The following OSBPL8 variants were observed in gnomAD, a reference collection of about 807,000 sequenced individuals.
OSBPL8 encodes the protein oxysterol-binding protein-related protein 8.
OSBPL8 carries 59 observed loss-of-function variants against 125.5 expected under a neutral mutation model. The observed-to-expected ratio is 0.47, with a 90% CI of 0.38 to 0.58. The LOEUF is 0.58. Among genes scored for constraint, OSBPL8 ranks in the 20% least tolerant of loss-of-function variants. The pLI, the probability that OSBPL8 is intolerant of heterozygous loss-of-function variation, is 0.00. For missense variants in OSBPL8, 758 were observed against 1,047.8 expected (o/e 0.72, Z 3.82); for synonymous variants, 330 against 338.9 (o/e 0.97, Z 0.29).
In OSBPL8 at chr12:76,360,605, G is replaced by A. The variant is rs182569224; in HGVS notation, c.2329-1794C>T. On this transcript the variant is annotated intron_variant, in intron 21 of 23. Coordinates refer to ENST00000261183, the MANE Select transcript of OSBPL8 (RefSeq NM_020841.5). ...CGACCCCAGATTTCCCTTCTGCACTGTGCTAGCAGAGGTTCTTCATGAGGG... is the reference window on the plus strand; with the variant it reads ...CGACCCCAGATTTCCCTTCTGCACTATGCTAGCAGAGGTTCTTCATGAGGG... Among the ~76,000 whole-genome samples, 22 of 152,348 alleles carry A rather than the reference G, an allele frequency of 1.4e-4. 1 individual carries two copies. Among genetic ancestry groups the A allele is most frequent in the Non-Finnish European group, 3.1e-4 (21 of 68,036 alleles).
intron 4 of OSBPL8, among the ~76,000 whole-genome samples, chr12:76,421,621 G>T (rs1869495011): frequency 1.3e-5 from 2 of 151,978 alleles, no homozygotes; most frequent in Admixed American, 1.3e-4. Context: ...CAAAATCTAA[G>T]TGTCAGAAAA....
At chr12:76,489,827 G>A (rs1413399802) in intron 1 of OSBPL8, among the ~76,000 whole-genome samples, 4 of 152,208 alleles carry the variant, frequency 2.6e-5, no homozygotes, top group Admixed American at 2.6e-4. Flanking sequence ...CAGAGATAGT[G>A]ATTCCTCTGA....
intron 1 of OSBPL8, among the ~76,000 whole-genome samples, chr12:76,497,947 A>G (rs76835854): frequency 0.039 from 6,014 of 152,330 alleles, 360 homozygotes; most frequent in African/African-American, 0.13. Flanking sequence ...CACTTTCAAC[A>G]CTTTTCAACA....
Position 76,352,520 on chromosome 12 carries a change from T to C in OSBPL8, c.*3369A>G, listed in dbSNP as rs1162483366. The stretch of plus-strand genomic sequence containing the variant: ...ACATTTTAAAGAATCTCTTTCCACT[T>C]AGTCAAATAAGATAGAAATTGAAAT... On this transcript the variant is annotated 3_prime_UTR_variant, in exon 24 of 24. Transcript: ENST00000261183. The C allele has an allele frequency of 6.6e-6, 1 of 152,574 alleles. No individual in the cohort carries two copies. The highest frequency in any genetic ancestry group is 1.5e-5 in the Non-Finnish European group (1 of 67,974). 9.5% of individuals were successfully genotyped at this position (152,574 alleles called of 1,614,324 possible).
intron 15 of OSBPL8, among the ~76,000 whole-genome samples, chr12:76,380,412 C>T (rs112005150): frequency 5.8e-4 from 87 of 149,736 alleles, no homozygotes; most frequent in African/African-American, 2.1e-3. Context: ...TTTTAAATTT[C>T]ATTCTGAGCC....
chr12:76,557,037 C>T (rs554257542), intron 1 of OSBPL8, among the ~76,000 whole-genome samples: 14 of 152,244 alleles, frequency 9.2e-5, no homozygotes, highest in Non-Finnish European at 1.9e-4. Context: ...TAAGGCAGGA[C>T]CTATGTCCTC....
At chr12:76,426,922 C>A (rs538808743) in intron 4 of OSBPL8, among the ~76,000 whole-genome samples, 15 of 152,228 alleles carry the variant, frequency 9.9e-5, no homozygotes, top group African/African-American at 3.4e-4. Flanking sequence ...ACCACTTTAT[C>A]CTTCCTTCTA....
chr12:76,496,403 T>C (rs550931940), intron 1 of OSBPL8, among the ~76,000 whole-genome samples: 1 of 151,806 alleles, frequency 6.6e-6, no homozygotes, highest in East Asian at 1.9e-4. Flanking sequence ...GTCTTGGTTA[T>C]GCTGTTGCCC....
intron 3 of OSBPL8, among the ~76,000 whole-genome samples, chr12:76,453,223 C>T (rs542815244): frequency 6.6e-6 from 1 of 152,194 alleles, no homozygotes; most frequent in Admixed American, 6.5e-5. Context: ...TTGAAGGTGT[C>T]GCATCCTACC....
At chr12:76,410,338 G>A (rs1296550112) in intron 5 of OSBPL8, among the ~76,000 whole-genome samples, 2 of 152,020 alleles carry the variant, frequency 1.3e-5, no homozygotes, top group Non-Finnish European at 2.9e-5. Context: ...ACCAGAAACA[G>A]TATTACTCTG....
At chr12:76,436,061 C>T (rs1160982530) in intron 4 of OSBPL8, among the ~76,000 whole-genome samples, 1 of 152,070 alleles carries the variant, frequency 6.6e-6, no homozygotes, top group Non-Finnish European at 1.5e-5. Context: ...GCATGAAAAC[C>T]AAGCTATGAG....
At chr12:76,511,846 A>AT (rs1680267280) in intron 1 of OSBPL8, among the ~76,000 whole-genome samples, 1 of 152,122 alleles carries the variant, frequency 6.6e-6, no homozygotes, top group African/African-American at 2.4e-5. Flanking sequence ...GCCAGGGTTT[A>AT]TAGTTTTCGG....
intron 1 of OSBPL8, among the ~76,000 whole-genome samples, chr12:76,506,887 G>A (rs1187527679): frequency 3.3e-5 from 5 of 152,168 alleles, no homozygotes. Flanking sequence ...GTAATTAAAA[G>A]CAAACTTAAT....
chr12:76,464,533 TTTTA>T (rs1875159117), intron 2 of OSBPL8, among the ~76,000 whole-genome samples: 1 of 152,188 alleles, frequency 6.6e-6, no homozygotes, highest in Admixed American at 6.5e-5. Flanking sequence ...AAAAAAGTGA[TTTTA>T]TTTTATTGTA....
chr12:76,487,654 T>TAA, intron 1 of OSBPL8, 36 bp from the exon 2 acceptor site: 1 of 788,752 alleles, frequency 1.3e-6, no homozygotes, highest in East Asian at 3.2e-5. Context: ...AGGACTGGTA[T>TAA]AAAACTGTGA....
chr12:76,356,715 T>C lies in OSBPL8; in HGVS notation c.2448A>G (p.Lys816=), dbSNP rs751340476. The C allele has an allele frequency of 1.2e-6, 2 of 1,603,006 alleles. No individual in the cohort carries two copies. Among genetic ancestry groups the C allele is most frequent in the Non-Finnish European group, 8.5e-7 (1 of 1,172,758 alleles). The change falls in exon 23 of 24, where the codon AAA becomes AAG. Residue 816 remains lysine (K), a synonymous_variant. Transcript: ENST00000261183. ...DSSGSEAQSV[K]PSTRRKKGIE... ...TTCCTTTCTTTCTTCTTGTACTTGG[T>C]TTTACTGATTGAGCTAAAAAGACAT...
At position 76,355,023 on chromosome 12, in the gene OSBPL8, C is replaced by G. The variant is rs1951932683; in HGVS notation, c.*866G>C. On this transcript the variant is annotated 3_prime_UTR_variant, in exon 24 of 24. Transcript: ENST00000261183. Reference sequence around the variant, plus strand: ...AATGAAAAAACATAAATTATCAGCACTTCAAATGCTCTATAAACATCTCTA... The same window carrying G: ...AATGAAAAAACATAAATTATCAGCAGTTCAAATGCTCTATAAACATCTCTA... 1 of 152,490 alleles carries G rather than the reference C, an allele frequency of 6.6e-6. No homozygotes were observed. The highest frequency in any genetic ancestry group is 1.5e-5 in the Non-Finnish European group (1 of 67,876). 9.4% of individuals were successfully genotyped at this position (152,490 alleles called of 1,614,324 possible).
chr12:76,384,493 A>G, intron 14 of OSBPL8, 143 bp from the exon 15 acceptor site: 1 of 445,134 alleles, frequency 2.2e-6, no homozygotes. Context: ...AAGTAGTAAA[A>G]ATTAAATATT....
chr12:76,483,069 G>T (rs1037660986), intron 2 of OSBPL8, among the ~76,000 whole-genome samples: 14 of 152,114 alleles, frequency 9.2e-5, no homozygotes, highest in African/African-American at 3.4e-4. Flanking sequence ...AGACCAGCCT[G>T]GCCAATATGG....
Sources: gnomAD v4.1 joint callset for allele counts (sites outside exome capture counted in the v4.1 genomes callset) on GRCh38, gnomAD v4.1.1 for gene constraint, MANE v1.5 for transcripts, NCBI Gene and HGNC (gene_info 2026-07-23, HGNC 2026-07-21) for gene names.